The following IGF2R variants were observed in gnomAD, a reference collection of about 807,000 sequenced individuals.
The protein encoded by IGF2R is insulin like growth factor 2 receptor, also known as cation-independent mannose-6-phosphate receptor.
IGF2R carries 91 observed loss-of-function variants against 270.6 expected under a neutral mutation model. That is an observed-to-expected ratio of 0.34 (90% CI 0.28 to 0.40). The LOEUF is 0.40. IGF2R is among the 10% of genes least tolerant of loss of function. The probability of loss-of-function intolerance (pLI) is 1.00; values close to 1 mark genes in which losing one functional copy is unlikely to be tolerated. For missense variants in IGF2R, 2,805 were observed against 3,188.3 expected (o/e 0.88, Z 2.90); for synonymous variants, 1,316 against 1,258.9 (o/e 1.05, Z -0.96).
At chr6:160,058,636 T>G (rs937138725) in intron 21 of IGF2R, among the ~76,000 whole-genome samples, 3 of 152,242 alleles carry the variant, frequency 2.0e-5, no homozygotes, top group African/African-American at 7.2e-5. Context: ...TGGTACATTA[T>G]TACATGCAGT....
chr6:160,071,740 A>G (rs1263129830), intron 31 of IGF2R, among the ~76,000 whole-genome samples, 170 bp from the exon 32 acceptor site: 1 of 152,180 alleles, frequency 6.6e-6, no homozygotes, highest in Non-Finnish European at 1.5e-5. Flanking sequence ...CTCAGGACAC[A>G]TTCTGACCCT....
intron 28 of IGF2R, 63 bp downstream of exon 28, chr6:160,064,594 A>G (rs1778521770): frequency 5.1e-6 from 8 of 1,561,090 alleles, no homozygotes; most frequent in South Asian, 4.5e-5. Context: ...CTGGGATCAT[A>G]TTAGAAAGAA....
intron 32 of IGF2R, among the ~76,000 whole-genome samples, chr6:160,072,263 C>T (rs1368272057): frequency 6.6e-6 from 1 of 152,148 alleles, no homozygotes; most frequent in Non-Finnish European, 1.5e-5. Context: ...GAATCCATCC[C>T]TCCTGTCACT....
chr6:160,012,499 G>A (rs1220177253), intron 4 of IGF2R, among the ~76,000 whole-genome samples: 2 of 151,950 alleles, frequency 1.3e-5, no homozygotes, highest in Non-Finnish European at 1.5e-5. Context: ...AGCACCTCAC[G>A]TGGCCAGAGC....
Position 160,068,063 on chromosome 6 carries a change from GGGGTGTGTGTGTGT to G in IGF2R, c.4116-184_4116-171del, listed in dbSNP as rs1380867749. On this transcript the variant is annotated intron_variant, in intron 29 of 47. Transcript: ENST00000356956. ...GTTATGTTGTTGCTGATTCTGATGG[GGGGTGTGTGTGTGT>G]GTGTGTGTGTGTGTGTGTGTGTGTG... 2.2e-3 allele frequency among the ~76,000 whole-genome samples: 209 copies of G among 95,262 alleles called. 1 individual carries two copies. The highest frequency in any genetic ancestry group is 3.5e-3 in the Non-Finnish European group (158 of 44,716). The allele number at this position is 95,262 out of a possible 152,430, so 62.5% of individuals were successfully genotyped here. A position where few individuals can be genotyped will look rare whatever the true frequency, so the allele number is the denominator to read the frequency against.
rs1218932999 is a variant in IGF2R, at chr6:160,040,653, A to G, written c.1409A>G (p.Lys470Arg). ...WDTEYACVKE[K>R]EDLLCGATDG... ...ACGGAATACGCCTGTGTTAAGGAGA[A>G]GGAAGACCTCCTCTGCGGTGCCACC... Residue 470 changes from lysine (K) to arginine (R), a missense_variant, in exon 11 of 48, where the codon AAG (lysine) becomes AGG (arginine). By Grantham distance (26) the Lys-to-Arg change is conservative. Around this residue, in one of 2 missense-constraint regions of IGF2R, gnomAD observed 954 missense variants for 981.1 expected, o/e 0.97. Coordinates refer to ENST00000356956, the MANE Select transcript of IGF2R (RefSeq NM_000876.4). 4 of 1,614,114 alleles carry G rather than the reference A, an allele frequency of 2.5e-6. No individual in the cohort carries two copies. The highest frequency in any genetic ancestry group is 3.4e-6 in the Non-Finnish European group (4 of 1,180,036).
At chr6:160,089,730 A>G (rs1449201549) in intron 43 of IGF2R, among the ~76,000 whole-genome samples, 186 bp from the exon 44 acceptor site, 1 of 152,182 alleles carries the variant, frequency 6.6e-6, no homozygotes, top group Non-Finnish European at 1.5e-5. Flanking sequence ...GCCTCTTGAG[A>G]GGGAAACTGG....
chr6:160,063,611 G>A lies in IGF2R; in HGVS notation c.3867G>A (p.Gln1289=), dbSNP rs1562363380. Residue 1289 remains glutamine (Q), a synonymous_variant, in exon 27 of 48, where the codon CAG becomes CAA. Transcript: ENST00000356956. ...VSSCQEKREP[Q]GFHKVAGLLT... ...CATGTCAGGAAAAGCGGGAACCGCA[G>A]GGATTTCACAAAGTGGCAGGTACCA... 5 of 1,614,122 alleles carry A rather than the reference G, an allele frequency of 3.1e-6. No individual in the cohort carries two copies. Among genetic ancestry groups the A allele is most frequent in the Non-Finnish European group, 4.2e-6 (5 of 1,179,942 alleles).
At chr6:159,969,536 G>C in intron 1 of IGF2R, 141 bp downstream of exon 1, 1 of 652,898 alleles carries the variant, frequency 1.5e-6, no homozygotes, top group Non-Finnish European at 2.1e-6. Flanking sequence ...GTTCCCGAGG[G>C]AAAGTTGCCT....
intron 45 of IGF2R, among the ~76,000 whole-genome samples, chr6:160,101,376 C>T (rs1779481555): frequency 6.6e-6 from 1 of 152,150 alleles, no homozygotes; most frequent in South Asian, 2.1e-4. Flanking sequence ...GCTCTCAGAC[C>T]TGTCTGTGGA....
intron 7 of IGF2R, 98 bp downstream of exon 7, chr6:160,029,753 C>A: frequency 1.3e-6 from 1 of 779,052 alleles, no homozygotes; most frequent in Non-Finnish European, 2.2e-6. Context: ...GGCCTGGATG[C>A]AGGAAGCTGG....
chr6:160,070,481 G>A (rs997868754), intron 31 of IGF2R, among the ~76,000 whole-genome samples: 4 of 152,172 alleles, frequency 2.6e-5, no homozygotes, highest in African/African-American at 9.7e-5. Context: ...CTGCTCAGCC[G>A]TTCATAACAT....
chr6:160,002,382 A>G (rs76667637), intron 2 of IGF2R, among the ~76,000 whole-genome samples: 2,046 of 152,322 alleles, frequency 0.013, 16 homozygotes, highest in South Asian at 0.029. Context: ...GAGAGTAGTG[A>G]GAGCTTGTCT....
chr6:160,047,022 TG>T, intron 15 of IGF2R, 136 bp from the exon 16 acceptor site: 2 of 740,714 alleles, frequency 2.7e-6, no homozygotes, highest in Non-Finnish European at 4.6e-6. Flanking sequence ...AGACCTTGTG[TG>T]GGTTCCTGTG....
In IGF2R at chr6:160,041,588, CTT is replaced by C. The variant is rs535222210; in HGVS notation, c.1480+865_1480+866del. Among the ~76,000 whole-genome samples, 5 of 152,256 alleles carry C rather than the reference CTT, an allele frequency of 3.3e-5. No homozygotes were observed. The South Asian group carries it at 1.0e-3, about 32-fold the overall frequency. On this transcript the variant is annotated intron_variant, in intron 11 of 47. Transcript: ENST00000356956. ...AAACCTGCACGTTCTCCACATGTAT[CTT>C]GTTTTTTTTTAAAGAAAAATAAAAC...
At chr6:160,065,358 C>T (rs1016996857) in intron 29 of IGF2R, among the ~76,000 whole-genome samples, 23 of 152,152 alleles carry the variant, frequency 1.5e-4, no homozygotes, top group African/African-American at 5.3e-4. Context: ...TGTGTTCTGC[C>T]GTGTGAAACA....
At chr6:160,045,238 G>A (rs77463720) in intron 13 of IGF2R, among the ~76,000 whole-genome samples, 17 of 152,210 alleles carry the variant, frequency 1.1e-4, no homozygotes, top group African/African-American at 2.2e-4. Context: ...GATTAATAGC[G>A]CGTTTCCAGT....
Position 160,090,095 on chromosome 6 carries a change from A to T in IGF2R, c.6647A>T (p.Tyr2216Phe). 2.6e-6 allele frequency: 4 copies of T among 1,525,126 alleles called. No individual in the cohort carries two copies. Among genetic ancestry groups the T allele is most frequent in the Non-Finnish European group, 3.5e-6 (4 of 1,132,674 alleles). 94.5% of individuals were successfully genotyped at this position (1,525,126 alleles called of 1,614,324 possible). Residue 2216 changes from tyrosine (Y) to phenylalanine (F), a missense_variant, in exon 44 of 48, where the codon TAC becomes TTC. Tyr to Phe is a conservative substitution (Grantham distance 22). Around this residue, in one of 2 missense-constraint regions of IGF2R, gnomAD observed 1,851 missense variants for 2,207.2 expected, o/e 0.84. Coordinates refer to ENST00000356956, the MANE Select transcript of IGF2R (RefSeq NM_000876.4). Reference sequence around the variant, plus strand: ...GGAACCTCTGACAAGACCAAGTACTACCTTCAAGGTAATCCGTGGCTTCCC... The same window carrying T: ...GGAACCTCTGACAAGACCAAGTACTTCCTTCAAGGTAATCCGTGGCTTCCC... ...KVGTSDKTKY[Y>F]LQDGDLDVVF...
intron 45 of IGF2R, among the ~76,000 whole-genome samples, chr6:160,098,741 C>A (rs572960414): frequency 1.3e-5 from 2 of 152,224 alleles, no homozygotes; most frequent in Admixed American, 6.5e-5. Flanking sequence ...ATTGCTTGAA[C>A]CTGGAAGGTG....
Sources: gnomAD v4.1 joint callset for allele counts (sites outside exome capture counted in the v4.1 genomes callset) on GRCh38, gnomAD v4.1.1 for gene constraint, gnomAD v4.1.1 regional missense constraint, MANE v1.5 for transcripts, NCBI Gene and HGNC (gene_info 2026-07-23, HGNC 2026-07-21) for gene names.